Variants in GLTP observed in about 807,000 individuals in gnomAD.
GLTP encodes glycolipid transfer protein.
GLTP carries 22 observed loss-of-function variants against 24.0 expected under a neutral mutation model. The observed-to-expected ratio is 0.92, with a 90% CI of 0.65 to 1.31. The LOEUF (loss-of-function observed/expected upper bound fraction) is 1.31, where lower values mean the gene tolerates loss of function less well. Among genes scored for constraint, GLTP ranks in the 50% most tolerant of loss-of-function variants. The pLI is 0.00. For missense variants in GLTP, 224 were observed against 276.6 expected, an observed-to-expected ratio of 0.81 and a Z score of 1.35; for synonymous variants, 92 against 115.9, an observed-to-expected ratio of 0.79 and a Z score of 1.33.
rs1455127180 is a variant in GLTP, at chr12:109,862,066, CTGA to C, written c.104-3328_104-3326del. Among the ~76,000 whole-genome samples, 7 of 152,208 alleles carry C rather than the reference CTGA, an allele frequency of 4.6e-5. No homozygotes were observed. In the East Asian group the frequency reaches 1.2e-3, roughly 25 times the overall value. On this transcript the variant is annotated intron_variant, in intron 1 of 4. Transcript: ENST00000318348. ...GCCACGAGCAGTCTCCTCTCGGCAA[CTGA>C]GCCTCTTTCCAACGTCTGCAGAGGC...
intron 4 of GLTP, 32 bp from the exon 5 acceptor site, chr12:109,852,769 G>A (rs932277797): frequency 1.3e-6 from 2 of 1,499,416 alleles, no homozygotes; most frequent in Non-Finnish European, 1.9e-6. Flanking sequence ...GGTAGGCACA[G>A]CGTTAGCGGG....
At chr12:109,867,173 G>C (rs1186806799) in intron 1 of GLTP, among the ~76,000 whole-genome samples, 1 of 151,224 alleles carries the variant, frequency 6.6e-6, no homozygotes, top group African/African-American at 2.4e-5. Context: ...TTTTGAGACA[G>C]AGTCTCACTC....
intron 1 of GLTP, among the ~76,000 whole-genome samples, chr12:109,879,134 G>A (rs1232352812): frequency 1.3e-5 from 2 of 152,126 alleles, no homozygotes; most frequent in Admixed American, 6.6e-5. Context: ...CCAGAGCTCA[G>A]GACACTGTGG....
chr12:109,877,676 C>A (rs1247810127), intron 1 of GLTP, among the ~76,000 whole-genome samples: 1 of 152,170 alleles, frequency 6.6e-6, no homozygotes, highest in Non-Finnish European at 1.5e-5. Flanking sequence ...GCGTTTCACA[C>A]TCCTGGTGTC....
intron 1 of GLTP, among the ~76,000 whole-genome samples, chr12:109,872,283 C>T (rs1258688915): frequency 6.6e-6 from 1 of 152,244 alleles, no homozygotes; most frequent in East Asian, 1.9e-4. Context: ...ATGGATGGCC[C>T]TAGACCTTTA....
intron 4 of GLTP, among the ~76,000 whole-genome samples, chr12:109,853,429 G>C (rs530241467): frequency 2.6e-5 from 4 of 152,208 alleles, no homozygotes; most frequent in South Asian, 4.1e-4. Context: ...GGTGGCTCAT[G>C]CCTGTAATCC....
At position 109,855,874 on chromosome 12, in the gene GLTP, G is replaced by A. The variant is rs925047749; in HGVS notation, c.297-105C>T. The A allele has an allele frequency of 2.1e-5, 17 of 828,346 alleles. No individual in the cohort carries two copies. The South Asian group carries it at 2.5e-4, about 12-fold the overall frequency. The allele number at this position is 828,346 out of a possible 1,614,324, so 51.3% of individuals were successfully genotyped here. ...CACCTACTGTGAGCCAGGAACATGG[G>A]CGCCCCAGAGGGAGTGGTTATTCCC... On this transcript the variant is annotated intron_variant, in intron 3 of 4. Coordinates refer to ENST00000318348, the MANE Select transcript of GLTP (RefSeq NM_016433.4). This position sits in a 1 kb window ranked among gnomAD's most constrained non-coding sequence, Gnocchi z 4.1.
chr12:109,873,956 T>C (rs1185550740), intron 1 of GLTP, among the ~76,000 whole-genome samples: 1 of 152,140 alleles, frequency 6.6e-6, no homozygotes, highest in African/African-American at 2.4e-5. Context: ...TGTTTATGAG[T>C]TACACACCTC....
At chr12:109,878,972 T>G (rs1868970110) in intron 1 of GLTP, among the ~76,000 whole-genome samples, 1 of 152,194 alleles carries the variant, frequency 6.6e-6, no homozygotes, top group African/African-American at 2.4e-5. Context: ...GAAGACCTAT[T>G]TGGCACTTAC....
In GLTP at chr12:109,857,944, T is replaced by C. The variant is rs774078065; in HGVS notation, c.163-285A>G. On this transcript the variant is annotated intron_variant, in intron 2 of 4. Transcript: ENST00000318348. This position sits in a 1 kb window ranked among gnomAD's most constrained non-coding sequence, Gnocchi z 4.3. Reference sequence around the variant, plus strand: ...TGAGGCTCACAGAGGAGCACGGACTTGCCCAAGGTCACACAGTTGGTACAG... The same window carrying C: ...TGAGGCTCACAGAGGAGCACGGACTCGCCCAAGGTCACACAGTTGGTACAG... The C allele has an allele frequency of 2.1e-6, 1 of 465,906 alleles. No individual in the cohort carries two copies. Among genetic ancestry groups the C allele is most frequent in the Non-Finnish European group, 4.0e-6 (1 of 250,884 alleles). 28.9% of individuals were successfully genotyped at this position (465,906 alleles called of 1,614,324 possible).
intron 1 of GLTP, among the ~76,000 whole-genome samples, chr12:109,870,699 A>C (rs1487421366): frequency 2.0e-5 from 3 of 152,116 alleles, no homozygotes; most frequent in Non-Finnish European, 2.9e-5. Flanking sequence ...TTAGGGGTAA[A>C]ATTAGCAGAA....
At position 109,858,669 on chromosome 12, in the gene GLTP, G is replaced by A. The variant is rs753712209; in HGVS notation, c.162+14C>T. The A allele has an allele frequency of 2.4e-5, 38 of 1,606,520 alleles. No individual in the cohort carries two copies. The highest frequency in any genetic ancestry group is 2.3e-4 in the Admixed American group (14 of 59,980). The stretch of plus-strand genomic sequence containing the variant: ...CGCAAGTCTTGGGCTGTGGCTGCCC[G>A]GCCAGGTACATACCGTGATGTTGCC... On this transcript the variant is annotated intron_variant, in intron 2 of 4. Transcript: ENST00000318348.
intron 1 of GLTP, among the ~76,000 whole-genome samples, chr12:109,862,240 C>T (rs926247847): frequency 9.2e-5 from 14 of 152,248 alleles, no homozygotes; most frequent in East Asian, 3.9e-4. Context: ...AATGGGGTGA[C>T]GACTCCATGC....
rs563512501 is a variant in GLTP at position 109,866,794 on chromosome 12, G to A, written c.104-8053C>T. The stretch of plus-strand genomic sequence containing the variant: ...TTTTTTTTTGAGACAGGGTATCACT[G>A]TGTTGCCCAGGCTGGAATGCAGTGG... On this transcript the variant is annotated intron_variant, in intron 1 of 4. Transcript: ENST00000318348. 9.1e-5 allele frequency among the ~76,000 whole-genome samples: 13 copies of A among 142,286 alleles called. 1 individual carries two copies. The South Asian group carries it at 2.9e-3, about 31-fold the overall frequency. 93.3% of individuals were successfully genotyped at this position (142,286 alleles called of 152,430 possible). A position where few individuals can be genotyped will look rare whatever the true frequency, so the allele number is the denominator to read the frequency against.
At chr12:109,853,284 T>G (rs1229875303) in intron 4 of GLTP, among the ~76,000 whole-genome samples, 1 of 152,150 alleles carries the variant, frequency 6.6e-6, no homozygotes, top group Non-Finnish European at 1.5e-5. Flanking sequence ...TCTTTTGTCC[T>G]TAGGGGGGCG....
At chr12:109,861,332 G>A (rs1849489812) in intron 1 of GLTP, among the ~76,000 whole-genome samples, 1 of 152,234 alleles carries the variant, frequency 6.6e-6, no homozygotes, top group Non-Finnish European at 1.5e-5. Context: ...CAGACAGGGT[G>A]AGAATCCTGC....
At chr12:109,861,492 G>A (rs570365964) in intron 1 of GLTP, among the ~76,000 whole-genome samples, 38 of 152,320 alleles carry the variant, frequency 2.5e-4, no homozygotes, top group Admixed American at 5.9e-4. Flanking sequence ...GCTCACGCCT[G>A]TAATCCCAGC....
At chr12:109,859,960 A>G (rs1892850740) in intron 1 of GLTP, 1 of 151,440 alleles carries the variant, frequency 6.6e-6, no homozygotes, top group Non-Finnish European at 1.5e-5. Flanking sequence ...TACTCTGTTG[A>G]CTTTTTCATC....
chr12:109,872,623 C>T (rs572666678), intron 1 of GLTP, among the ~76,000 whole-genome samples: 2 of 152,354 alleles, frequency 1.3e-5, no homozygotes, highest in East Asian at 3.9e-4. Flanking sequence ...GGCACCAGCA[C>T]ACAGCAGGTG....
Sources: gnomAD v4.1 joint callset for allele counts (sites outside exome capture counted in the v4.1 genomes callset) on GRCh38, gnomAD v4.1.1 for gene constraint, Gnocchi (gnomAD v3.1) non-coding constraint, MANE v1.5 for transcripts, NCBI Gene and HGNC (gene_info 2026-07-23, HGNC 2026-07-21) for gene names.